The following SLC39A8 variants were observed in gnomAD, a reference collection of about 807,000 sequenced individuals.
SLC39A8 encodes solute carrier family 39 member 8.
SLC39A8 carries 15 observed loss-of-function variants against 40.4 expected under a neutral mutation model. The observed-to-expected ratio is 0.37, with a 90% CI of 0.25 to 0.57. SLC39A8 has a LOEUF of 0.57. Among genes scored for constraint, SLC39A8 ranks in the 20% least tolerant of loss-of-function variants. The pLI is 0.75. For synonymous variants in SLC39A8, 223 were observed against 221.6 expected, an observed-to-expected ratio of 1.01 and a Z score of -0.06; for missense variants, 472 against 558.8, an observed-to-expected ratio of 0.84 and a Z score of 1.57.
intron 6 of SLC39A8, among the ~76,000 whole-genome samples, chr4:102,278,876 T>G (rs978245624): frequency 2.0e-5 from 3 of 151,976 alleles, no homozygotes; most frequent in Admixed American, 6.6e-5. Context: ...ATTCTCATTC[T>G]CAGCAAATTA....
downstream of SLC39A8, among the ~76,000 whole-genome samples, chr4:102,257,416 G>A (rs558983883): frequency 2.0e-5 from 3 of 152,236 alleles, no homozygotes; most frequent in African/African-American, 7.2e-5. Context: ...TGGAAATAAG[G>A]AAAACAAGCT....
chr4:102,326,493 A>AG (rs1173861610), intron 2 of SLC39A8, among the ~76,000 whole-genome samples: 3 of 152,198 alleles, frequency 2.0e-5, no homozygotes, highest in Non-Finnish European at 4.4e-5. Flanking sequence ...CCCAGGAGGC[A>AG]GAGCTTGCAG....
At chr4:102,307,272 T>C (rs1261127511) in intron 4 of SLC39A8, among the ~76,000 whole-genome samples, 164 bp downstream of exon 4, 1 of 152,066 alleles carries the variant, frequency 6.6e-6, no homozygotes, top group African/African-American at 2.4e-5. Context: ...CACTGCAGCT[T>C]GGGACAAGCC....
intron 6 of SLC39A8, among the ~76,000 whole-genome samples, chr4:102,280,458 A>G (rs561128924): frequency 6.6e-6 from 1 of 152,250 alleles, no homozygotes; most frequent in Non-Finnish European, 1.5e-5. Context: ...AAGTAACAAA[A>G]GGATTACATA....
At chr4:102,259,509 G>T (rs758682709), downstream of SLC39A8, 47 of 1,543,206 alleles carry the variant, frequency 3.0e-5, no homozygotes, top group Non-Finnish European at 3.9e-5. Flanking sequence ...TAGCCCATTT[G>T]ATTATCTACA....
chr4:102,331,464 G>A (rs989663480), intron 2 of SLC39A8, among the ~76,000 whole-genome samples: 1 of 152,178 alleles, frequency 6.6e-6, no homozygotes, highest in African/African-American at 2.4e-5. Flanking sequence ...TAAAAGGGAT[G>A]TGAAGGACCT....
chr4:102,344,512 A>G lies in SLC39A8; in HGVS notation c.151T>C (p.Leu51=). ...GAGGCGGCTCCCATCTGCTCCAGCAAGTGCTGGAGCTGCGCCGCCGACAGG... is the reference window on the plus strand; with the variant it reads ...GAGGCGGCTCCCATCTGCTCCAGCAGGTGCTGGAGCTGCGCCGCCGACAGG... The part of the protein sequence containing the change: ...LSLSAAQLQH[L]LEQMGAASRV... Residue 51 remains leucine (L), a synonymous_variant, in exon 2 of 9, where the codon TTG becomes CTG. Coordinates refer to ENST00000356736, the MANE Select transcript of SLC39A8 (RefSeq NM_001135146.2). 6.4e-7 allele frequency: 1 copy of G among 1,558,490 alleles called. No individual in the cohort carries two copies. Among genetic ancestry groups the G allele is most frequent in the Non-Finnish European group, 8.7e-7 (1 of 1,151,954 alleles).
intron 6 of SLC39A8, among the ~76,000 whole-genome samples, chr4:102,291,898 CT>C (rs1400689145): frequency 6.6e-6 from 1 of 151,796 alleles, no homozygotes; most frequent in African/African-American, 2.4e-5. Flanking sequence ...TCATTTCCTT[CT>C]TTTTAAAGGC....
In SLC39A8 at chr4:102,311,418, A is replaced by C. The variant is rs546627958; in HGVS notation, c.383-3813T>G. 1.8e-3 allele frequency among the ~76,000 whole-genome samples: 277 copies of C among 152,232 alleles called. 1 individual carries two copies. Among genetic ancestry groups the C allele is most frequent in the African/African-American group, 6.4e-3 (266 of 41,564 alleles). ...TCAGTGAAAAGAAGAACAAACTAAG[A>C]ATCAGGAGCTCTCATTTCACCTTAG... is the stretch of plus-strand genomic sequence containing the variant. On this transcript the variant is annotated intron_variant, in intron 3 of 8. Transcript: ENST00000356736.
intron 6 of SLC39A8, among the ~76,000 whole-genome samples, chr4:102,293,956 A>G (rs1191361401): frequency 6.6e-6 from 1 of 151,766 alleles, no homozygotes; most frequent in Admixed American, 6.6e-5. Context: ...AAGCCAAAAT[A>G]CAGATACATT....
downstream of SLC39A8, among the ~76,000 whole-genome samples, chr4:102,260,714 A>T (rs997334106): frequency 2.0e-5 from 3 of 152,238 alleles, no homozygotes; most frequent in Non-Finnish European, 4.4e-5. Context: ...GTTACTATAC[A>T]CCATCAAATC....
chr4:102,328,796 T>C (rs1247618123), intron 2 of SLC39A8, among the ~76,000 whole-genome samples: 1 of 151,712 alleles, frequency 6.6e-6, no homozygotes. Context: ...GAGACCAAGG[T>C]GGGAGGATCA....
At chr4:102,318,832 C>T (rs2149042800) in intron 2 of SLC39A8, among the ~76,000 whole-genome samples, 1 of 152,344 alleles carries the variant, frequency 6.6e-6, no homozygotes, top group African/African-American at 2.4e-5. Flanking sequence ...AGCTCCTTCA[C>T]ATTTATGACA....
At chr4:102,315,920 C>T in intron 2 of SLC39A8, 90 bp from the exon 3 acceptor site, 2 of 1,092,842 alleles carry the variant, frequency 1.8e-6, no homozygotes, top group Non-Finnish European at 2.5e-6. Flanking sequence ...ACTATTTCAT[C>T]TAGATGCACA....
intron 2 of SLC39A8, among the ~76,000 whole-genome samples, chr4:102,324,623 T>C (rs561831589): frequency 6.6e-6 from 1 of 152,330 alleles, no homozygotes; most frequent in South Asian, 2.1e-4. Context: ...TCAACACATA[T>C]TTACCGAGCA....
At chr4:102,312,214 G>C (rs977864665) in intron 3 of SLC39A8, among the ~76,000 whole-genome samples, 1 of 151,988 alleles carries the variant, frequency 6.6e-6, no homozygotes, top group Non-Finnish European at 1.5e-5. Context: ...TAGATGAGTA[G>C]TAACAAGCAC....
intron 6 of SLC39A8, among the ~76,000 whole-genome samples, chr4:102,278,394 T>C (rs186483364): frequency 1.6e-4 from 24 of 152,306 alleles, no homozygotes; most frequent in Middle Eastern, 3.4e-3. Context: ...AAAAGGCTCA[T>C]CATCCACTGA....
chr4:102,299,146 C>T (rs1733801104), intron 6 of SLC39A8, among the ~76,000 whole-genome samples: 1 of 151,996 alleles, frequency 6.6e-6, no homozygotes, highest in African/African-American at 2.4e-5. Context: ...TCTCCTCCCA[C>T]TCCACTTCCC....
At chr4:102,278,646 C>T (rs775259116) in intron 6 of SLC39A8, among the ~76,000 whole-genome samples, 2 of 152,060 alleles carry the variant, frequency 1.3e-5, no homozygotes, top group Non-Finnish European at 2.9e-5. Context: ...TGGGTATATA[C>T]CCAAAGGATT....
Sources: gnomAD v4.1 joint callset for allele counts (sites outside exome capture counted in the v4.1 genomes callset) on GRCh38, gnomAD v4.1.1 for gene constraint, MANE v1.5 for transcripts, NCBI Gene and HGNC (gene_info 2026-07-23, HGNC 2026-07-21) for gene names.